FBXL4: variants seen among roughly 807,000 people sequenced by gnomAD.
The protein encoded by FBXL4 is F-box/LRR-repeat protein 4.
A neutral mutation model predicts 58.9 loss-of-function variants in FBXL4; 40 were observed. That is an observed-to-expected ratio of 0.68 (90% confidence interval 0.53 to 0.88). The LOEUF (loss-of-function observed/expected upper bound fraction) is 0.88, where lower values mean the gene tolerates loss of function less well. Ranked by LOEUF, FBXL4 falls within the 40% of genes least tolerant of loss-of-function variation. The probability of loss-of-function intolerance (pLI) is 0.00; values close to 1 mark genes in which losing one functional copy is unlikely to be tolerated. For missense variants in FBXL4, 676 were observed against 734.4 expected, an observed-to-expected ratio of 0.92 and a Z score of 0.92; for synonymous variants, 263 against 265.5, an observed-to-expected ratio of 0.99 and a Z score of 0.09.
intron 1 of FBXL4, among the ~76,000 whole-genome samples, 176 bp downstream of exon 1, chr6:98,947,630 C>CG (rs1441130487): frequency 1.3e-5 from 2 of 152,012 alleles, no homozygotes; most frequent in Non-Finnish European, 2.9e-5. Flanking sequence ...AAGCGTGAAG[C>CG]GGAGGCGCGG....
At chr6:98,911,514 G>A (rs980609802) in intron 5 of FBXL4, among the ~76,000 whole-genome samples, 9 of 152,268 alleles carry the variant, frequency 5.9e-5, no homozygotes, top group Middle Eastern at 3.4e-3. Context: ...AGCAGCATTC[G>A]CGGATCACGA....
intron 4 of FBXL4, among the ~76,000 whole-genome samples, chr6:98,918,242 T>C (rs762808178): frequency 6.6e-6 from 1 of 152,194 alleles, no homozygotes; most frequent in Non-Finnish European, 1.5e-5. Flanking sequence ...CTGTTTCTTG[T>C]ATATGCCCTT....
intron 1 of FBXL4, among the ~76,000 whole-genome samples, chr6:98,940,597 T>C (rs1366390318): frequency 3.9e-5 from 6 of 152,172 alleles, no homozygotes; most frequent in Non-Finnish European, 7.3e-5. Context: ...ATATCTTCTT[T>C]AGTGCAGTGT....
intron 4 of FBXL4, among the ~76,000 whole-genome samples, chr6:98,921,797 G>GA (rs1025017287): frequency 2.0e-5 from 3 of 151,588 alleles, no homozygotes; most frequent in Admixed American, 6.6e-5. Context: ...TTTGAACACT[G>GA]AAAAAAAATT....
chr6:98,910,436 G>A (rs1397530846), intron 5 of FBXL4, among the ~76,000 whole-genome samples: 3 of 152,142 alleles, frequency 2.0e-5, no homozygotes, highest in Admixed American at 6.5e-5. Flanking sequence ...AGTGGATCAC[G>A]AGGTCAGGAG....
At chr6:98,879,739 A>G (rs1300723446) in intron 8 of FBXL4, among the ~76,000 whole-genome samples, 2 of 142,374 alleles carry the variant, frequency 1.4e-5, no homozygotes, top group African/African-American at 4.9e-5. Context: ...GGTGAAACCC[A>G]AGACCAGCCT....
chr6:98,895,333 C>T (rs1771374334), intron 7 of FBXL4, among the ~76,000 whole-genome samples: 1 of 152,096 alleles, frequency 6.6e-6, no homozygotes, highest in African/African-American at 2.4e-5. Flanking sequence ...ATCCGTTTTC[C>T]TGCAGAAGAT....
intron 5 of FBXL4, among the ~76,000 whole-genome samples, chr6:98,908,209 C>T (rs1191376877): frequency 6.6e-6 from 1 of 152,110 alleles, no homozygotes; most frequent in Non-Finnish European, 1.5e-5. Flanking sequence ...ATCCCTCTCC[C>T]CAAAGATAAT....
At chr6:98,894,331 T>C (rs924963572) in intron 7 of FBXL4, among the ~76,000 whole-genome samples, 1 of 152,168 alleles carries the variant, frequency 6.6e-6, no homozygotes, top group Non-Finnish European at 1.5e-5. Flanking sequence ...TAATACCTAA[T>C]TATTTCCATG....
intron 1 of FBXL4, among the ~76,000 whole-genome samples, chr6:98,944,313 G>A (rs1482143779): frequency 6.6e-6 from 1 of 152,114 alleles, no homozygotes. Flanking sequence ...CTAGCAAATG[G>A]TGAACCAAAT....
chr6:98,887,368 C>G (rs1230878175), intron 7 of FBXL4, among the ~76,000 whole-genome samples: 2 of 152,210 alleles, frequency 1.3e-5, no homozygotes, highest in Non-Finnish European at 2.9e-5. Context: ...GAAATCACAA[C>G]TTCTGCTTAT....
chr6:98,928,274 T>C (rs1419725925), intron 2 of FBXL4, among the ~76,000 whole-genome samples: 23 of 152,132 alleles, frequency 1.5e-4, no homozygotes, highest in Admixed American at 1.5e-3. Context: ...AACAAACTTA[T>C]TTTTGTACCT....
intron 5 of FBXL4, among the ~76,000 whole-genome samples, chr6:98,908,916 T>C (rs1484928233): frequency 6.6e-6 from 1 of 152,218 alleles, no homozygotes; most frequent in African/African-American, 2.4e-5. Context: ...ATGTCATGGA[T>C]TGTTTGACTG....
chr6:98,901,702 CAG>C (rs1487147597), intron 6 of FBXL4, among the ~76,000 whole-genome samples: 1 of 152,108 alleles, frequency 6.6e-6, no homozygotes. Flanking sequence ...CCCAAGAGGG[CAG>C]AGACAGTAGC....
chr6:98,898,253 C>T, intron 7 of FBXL4: 3 of 978,640 alleles, frequency 3.1e-6, no homozygotes, highest in Non-Finnish European at 3.6e-6. Flanking sequence ...TCAGAACATT[C>T]AAGGAATAGA....
chr6:98,894,636 C>T (rs1443511290), intron 7 of FBXL4, among the ~76,000 whole-genome samples: 1 of 152,120 alleles, frequency 6.6e-6, no homozygotes, highest in East Asian at 1.9e-4. Flanking sequence ...ACTGTATACC[C>T]GTCCATTCTG....
chr6:98,944,152 C>A (rs1476297082), intron 1 of FBXL4, among the ~76,000 whole-genome samples: 3 of 152,158 alleles, frequency 2.0e-5, no homozygotes, highest in Admixed American at 6.5e-5. Flanking sequence ...TCTATGATAA[C>A]AGAATGTGTA....
In FBXL4 at chr6:98,874,012, A is replaced by G. The variant is rs1430750787; in HGVS notation, c.*266T>C. On this transcript the variant is annotated 3_prime_UTR_variant, in exon 10 of 10. Transcript: ENST00000369244. The stretch of plus-strand genomic sequence containing the variant: ...ATGATTCCATGTTATTCTTTTATCA[A>G]TCATATTATTGACTAAAGCATATCA... 2 of 252,812 alleles carry G rather than the reference A, an allele frequency of 7.9e-6. No homozygotes were observed. Among genetic ancestry groups the G allele is most frequent in the African/African-American group, 4.4e-5 (2 of 45,090 alleles). The allele number at this position is 252,812 out of a possible 1,614,324, so 15.7% of individuals were successfully genotyped here.
At chr6:98,921,105 G>C (rs956182786) in intron 4 of FBXL4, among the ~76,000 whole-genome samples, 5 of 152,096 alleles carry the variant, frequency 3.3e-5, no homozygotes, top group Non-Finnish European at 5.9e-5. Flanking sequence ...TCTGCATCTG[G>C]AGCATTCAAT....
Sources: allele counts gnomAD v4.1 joint callset (sites outside exome capture counted in the v4.1 genomes callset), GRCh38; gene constraint gnomAD v4.1.1; transcripts MANE v1.5; gene names NCBI Gene and HGNC (gene_info 2026-07-23, HGNC 2026-07-21).